The following CSMD1 variants were observed in gnomAD, a reference collection of about 807,000 sequenced individuals.
The protein encoded by CSMD1 is CUB and sushi domain-containing protein 1.
CSMD1 carries 213 observed loss-of-function variants against 417.5 expected under a neutral mutation model. That is an observed-to-expected ratio of 0.51 (90% CI 0.46 to 0.57). The LOEUF is 0.57. Among genes scored for constraint, CSMD1 ranks in the 20% least tolerant of loss-of-function variants. The pLI, the probability that CSMD1 is intolerant of heterozygous loss-of-function variation, is 0.00. For synonymous variants in CSMD1, 2,862 were observed against 1,736.8 expected, an observed-to-expected ratio of 1.65 and a Z score of -16.11; for missense variants, 6,923 against 4,529.7, an observed-to-expected ratio of 1.53 and a Z score of -15.17.
intron 15 of CSMD1, among the ~76,000 whole-genome samples, chr8:3,401,735 G>A (rs757385875): frequency 1.4e-5 from 2 of 144,818 alleles, no homozygotes; most frequent in Non-Finnish European, 3.0e-5. Flanking sequence ...CAAAGACGCT[G>A]ACCCAGAAGT....
chr8:3,030,462 T>C (rs1810268608), intron 50 of CSMD1, among the ~76,000 whole-genome samples: 1 of 151,946 alleles, frequency 6.6e-6, no homozygotes, highest in Non-Finnish European at 1.5e-5. Flanking sequence ...TAGTGTTATA[T>C]TTTAAATTCT....
chr8:3,856,505 A>G lies in CSMD1; in HGVS notation c.819-102463T>C, dbSNP rs142702245. ...AATTGGTGAGGAGGAGAACTGCATG[A>G]GGATCAAATGGAAATCACGTAATAA... On this transcript the variant is annotated intron_variant, in intron 5 of 69. Transcript: ENST00000635120. Among the ~76,000 whole-genome samples, 559 of 152,312 alleles carry G rather than the reference A, an allele frequency of 3.7e-3. 3 individuals are homozygous for G. The highest frequency in any genetic ancestry group is 7.4e-3 in the African/African-American group (306 of 41,578).
intron 12 of CSMD1, among the ~76,000 whole-genome samples, chr8:3,459,527 G>C (rs1438746283): frequency 6.6e-6 from 1 of 152,150 alleles, no homozygotes; most frequent in Non-Finnish European, 1.5e-5. Context: ...TGAGAGCAGA[G>C]AACATGATAA....
At position 4,280,415 on chromosome 8, in the gene CSMD1, T is replaced by C. The variant is rs185616731; in HGVS notation, c.415+139538A>G. 6.0e-4 allele frequency among the ~76,000 whole-genome samples: 91 copies of C among 152,350 alleles called. 2 individuals are homozygous for C. In the East Asian group the frequency reaches 0.016, roughly 26 times the overall value. ...AGTTGTCTAGAATCTGACAATTAAA[T>C]TTTAGTACCGAAATGTGCGACCGGA... On this transcript the variant is annotated intron_variant, in intron 3 of 69. Transcript: ENST00000635120.
At chr8:2,994,546 A>G (rs1396875399) in intron 54 of CSMD1, among the ~76,000 whole-genome samples, 1 of 152,212 alleles carries the variant, frequency 6.6e-6, no homozygotes, top group Non-Finnish European at 1.5e-5. Flanking sequence ...TTTACAGAGG[A>G]AAACGGATGC....
intron 12 of CSMD1, among the ~76,000 whole-genome samples, chr8:3,412,293 T>G (rs1585126565): frequency 6.6e-6 from 1 of 151,890 alleles, no homozygotes; most frequent in Non-Finnish European, 1.5e-5. Flanking sequence ...TGTGCTGCTA[T>G]AAATATGTGT....
rs1420341612 is a variant in CSMD1, at chr8:3,348,148, T to G, written c.3318A>C (p.Ala1106=). The G allele has an allele frequency of 3.7e-6, 6 of 1,611,996 alleles. No homozygotes were observed. Among genetic ancestry groups the G allele is most frequent in the Middle Eastern group, 1.7e-4 (1 of 6,014 alleles). ...ATGTTCCTTCATTTCCTTTGACACT[T>G]GCTCCACATTCGGCTACAATAAATA... ...PLPRCVAECG[A]SVKGNEGTLL... is the part of the protein sequence containing the mutation. Residue 1106 remains alanine, a synonymous_variant, in exon 22 of 70, where the codon GCA becomes GCC. Coordinates refer to ENST00000635120, the MANE Select transcript of CSMD1 (RefSeq NM_033225.6).
chr8:4,748,609 G>A (rs535411252), intron 1 of CSMD1, among the ~76,000 whole-genome samples: 4 of 152,184 alleles, frequency 2.6e-5, no homozygotes, highest in African/African-American at 9.6e-5. Context: ...AAATCATAGT[G>A]TTTTCATTCT....
At chr8:3,867,771 G>A (rs1162239476) in intron 5 of CSMD1, among the ~76,000 whole-genome samples, 2 of 152,080 alleles carry the variant, frequency 1.3e-5, no homozygotes, top group African/African-American at 2.4e-5. Flanking sequence ...CCAGGGCCAG[G>A]CAGCTTCCTG....
intron 3 of CSMD1, among the ~76,000 whole-genome samples, chr8:4,336,916 A>G (rs1800207087): frequency 6.6e-6 from 1 of 152,116 alleles, no homozygotes; most frequent in Non-Finnish European, 1.5e-5. Flanking sequence ...ATAATAAATA[A>G]TAACAATACA....
At chr8:3,978,434 G>A (rs1249012067) in intron 5 of CSMD1, among the ~76,000 whole-genome samples, 1 of 151,646 alleles carries the variant, frequency 6.6e-6, no homozygotes, top group Non-Finnish European at 1.5e-5. Flanking sequence ...TCATACTCTT[G>A]GAACCTACCT....
chr8:4,213,564 T>C (rs530386847), intron 3 of CSMD1, among the ~76,000 whole-genome samples: 3 of 152,308 alleles, frequency 2.0e-5, no homozygotes, highest in East Asian at 3.9e-4. Context: ...TAAAACACTT[T>C]TGCTCTCCCA....
chr8:4,181,340 A>T (rs1370255189), intron 3 of CSMD1, among the ~76,000 whole-genome samples: 1 of 151,666 alleles, frequency 6.6e-6, no homozygotes, highest in African/African-American at 2.4e-5. Flanking sequence ...AAGAAATGCA[A>T]TGGTACGGTT....
At chr8:3,327,953 C>T (rs1277544907) in intron 23 of CSMD1, among the ~76,000 whole-genome samples, 3 of 152,094 alleles carry the variant, frequency 2.0e-5, no homozygotes, top group Admixed American at 6.5e-5. Context: ...CCCTACCTAG[C>T]CCTAGCCCAG....
chr8:2,989,118 T>C (rs942650186), intron 54 of CSMD1, among the ~76,000 whole-genome samples: 1 of 152,222 alleles, frequency 6.6e-6, no homozygotes, highest in African/African-American at 2.4e-5. Context: ...GTGAGAATAT[T>C]TTAAAAAGCA....
intron 5 of CSMD1, among the ~76,000 whole-genome samples, chr8:3,934,138 A>C (rs1810330079): frequency 6.6e-6 from 1 of 152,208 alleles, no homozygotes; most frequent in Non-Finnish European, 1.5e-5. Flanking sequence ...CTTCACAAAA[A>C]AGATGAGCTC....
rs555138451 is a variant in CSMD1 at position 3,124,884 on chromosome 8, C to T, written c.6242-6297G>A. Among the ~76,000 whole-genome samples, 21 of 152,240 alleles carry T rather than the reference C, an allele frequency of 1.4e-4. No individual in the cohort carries two copies. In the East Asian group the frequency reaches 3.9e-3, roughly 28 times the overall value. On this transcript the variant is annotated intron_variant, in intron 41 of 69. Transcript: ENST00000635120. Reference sequence around the variant, plus strand: ...AGAATTATCTCAAGAATTTAAAATGCCAATTAGTTTCTTTTTCTATTGTAA... The same window carrying T: ...AGAATTATCTCAAGAATTTAAAATGTCAATTAGTTTCTTTTTCTATTGTAA...
intron 27 of CSMD1, among the ~76,000 whole-genome samples, chr8:3,224,897 G>A (rs1199099345): frequency 6.6e-6 from 1 of 152,158 alleles, no homozygotes; most frequent in East Asian, 1.9e-4. Context: ...ATACATACAA[G>A]ACTATGCTGA....
intron 11 of CSMD1, among the ~76,000 whole-genome samples, chr8:3,489,619 G>A (rs1345942241): frequency 6.6e-6 from 1 of 152,120 alleles, no homozygotes; most frequent in Non-Finnish European, 1.5e-5. Flanking sequence ...TATGACCCAA[G>A]TTCCTTCAAC....
Sources: allele counts gnomAD v4.1 joint callset (sites outside exome capture counted in the v4.1 genomes callset), GRCh38; gene constraint gnomAD v4.1.1; transcripts MANE v1.5; gene names NCBI Gene and HGNC (gene_info 2026-07-23, HGNC 2026-07-21).